Variants in STK11 observed in about 807,000 individuals in gnomAD.
STK11 encodes the protein serine/threonine kinase 11.
Under a neutral mutation model 47.3 loss-of-function variants are expected in STK11, and 8 were observed. The ratio of observed to expected loss-of-function variants is 0.17; its 90% CI spans 0.10 to 0.31. STK11 has a LOEUF of 0.31. Ranked by LOEUF, STK11 falls within the 10% of genes least tolerant of loss-of-function variation. The probability of loss-of-function intolerance (pLI) is 1.00; values close to 1 mark genes in which losing one functional copy is unlikely to be tolerated. For synonymous variants in STK11, 330 were observed against 255.8 expected (o/e 1.29, Z -2.77); for missense variants, 475 against 605.0 (o/e 0.79, Z 2.25).
chr19:1,207,326 T>C (rs2080675050), intron 1 of STK11, 123 bp downstream of exon 1: 1 of 1,333,112 alleles, frequency 7.5e-7, no homozygotes, highest in Admixed American at 2.4e-5. Flanking sequence ...GCTGGACCCG[T>C]CTGGCGCCTG....
At position 1,227,655 on chromosome 19, in the gene STK11, C is replaced by T; in HGVS notation, c.*79C>T. On this transcript the variant is annotated 3_prime_UTR_variant, in exon 10 of 10. Coordinates refer to ENST00000326873, the MANE Select transcript of STK11 (RefSeq NM_000455.5). ...CCCTCAGTCTTCCTGCCGGTTCCGC[C>T]CGCCCTCCCGGAGAGGTGGCCGCCA... 2.8e-6 allele frequency: 3 copies of T among 1,068,140 alleles called. No homozygotes were observed. Among genetic ancestry groups the T allele is most frequent in the Non-Finnish European group, 3.4e-6 (3 of 881,064 alleles). The allele number at this position is 1,068,140 out of a possible 1,614,324, so 66.2% of individuals were successfully genotyped here. A position where few individuals can be genotyped will look rare whatever the true frequency, so the allele number is the denominator to read the frequency against.
chr19:1,223,237 G>T, intron 8 of STK11, 65 bp downstream of exon 8: 1 of 1,536,534 alleles, frequency 6.5e-7, no homozygotes, highest in Non-Finnish European at 8.8e-7. Flanking sequence ...CGGGAGCAGG[G>T]TGCCTGCCTG....
At chr19:1,221,855 C>T in intron 6 of STK11, 94 bp from the exon 7 acceptor site, 1 of 1,452,678 alleles carries the variant, frequency 6.9e-7, no homozygotes, top group Non-Finnish European at 9.4e-7. Context: ...AGGTATCACC[C>T]AGGGCCTGAC....
intron 1 of STK11, among the ~76,000 whole-genome samples, chr19:1,215,172 C>A (rs942069850): frequency 1.3e-5 from 2 of 152,148 alleles, no homozygotes; most frequent in African/African-American, 4.8e-5. Context: ...GGGCCTTTGC[C>A]GAGCCCAGCC....
intron 8 of STK11, chr19:1,223,891 C>CT (rs1477150152): frequency 9.8e-7 from 1 of 1,016,892 alleles, no homozygotes; most frequent in African/African-American, 1.7e-5. Context: ...AGGGTGGATG[C>CT]TTGCTGCGCT....
At chr19:1,226,181 G>T in intron 8 of STK11, 1 of 1,315,322 alleles carries the variant, frequency 7.6e-7, no homozygotes, top group Non-Finnish European at 9.7e-7. Flanking sequence ...CAGTACCTGG[G>T]TGGGGTCCCA....
intron 8 of STK11, chr19:1,226,253 C>T (rs1474844160): frequency 9.2e-6 from 13 of 1,418,882 alleles, no homozygotes; most frequent in South Asian, 1.6e-5. Context: ...AGGCCATCTG[C>T]GGGAGGCTCA....
chr19:1,215,062 G>C (rs952707240), intron 1 of STK11, among the ~76,000 whole-genome samples: 10 of 152,206 alleles, frequency 6.6e-5, no homozygotes, highest in Non-Finnish European at 1.5e-4. Context: ...GGGGCACACA[G>C]AGCCCTGGGG....
chr19:1,206,591 G>A lies in STK11; in HGVS notation c.-323G>A. 4 of 436,830 alleles carry A rather than the reference G, an allele frequency of 9.2e-6. No individual in the cohort carries two copies. Among genetic ancestry groups the A allele is most frequent in the Non-Finnish European group, 1.6e-5 (4 of 244,024 alleles). 27.1% of individuals were successfully genotyped at this position (436,830 alleles called of 1,614,324 possible). The stretch of plus-strand genomic sequence containing the variant: ...GGCCGGCCTCCCCAGGGTCCCCGAG[G>A]ACGAAGTTGACCCTGACCGGGCCGT... On this transcript the variant is annotated 5_prime_UTR_variant, in exon 1 of 10. Coordinates refer to ENST00000326873, the MANE Select transcript of STK11 (RefSeq NM_000455.5).
chr19:1,223,813 T>C lies in STK11; in HGVS notation c.1108+641T>C, dbSNP rs528563056. On this transcript the variant is annotated intron_variant, in intron 8 of 9. Transcript: ENST00000326873. ...ATTGGCAGCCAGCCCCTCCCCGCCATGCTCCCGGCTTGGCTGTGTTCGGCC... is the reference window on the plus strand; with the variant it reads ...ATTGGCAGCCAGCCCCTCCCCGCCACGCTCCCGGCTTGGCTGTGTTCGGCC... 206 of 1,032,036 alleles carry C rather than the reference T, an allele frequency of 2.0e-4. 1 individual carries two copies. The African/African-American group carries it at 3.4e-3, about 17-fold the overall frequency. The allele number at this position is 1,032,036 out of a possible 1,614,324, so 63.9% of individuals were successfully genotyped here.
At chr19:1,226,744 A>G (rs1311460471) in intron 9 of STK11, 81 bp downstream of exon 9, 1 of 1,405,016 alleles carries the variant, frequency 7.1e-7, no homozygotes, top group Non-Finnish European at 9.3e-7. Context: ...AGCCCGCGCT[A>G]GTCAGTCATG....
intron 8 of STK11, chr19:1,226,151 A>G (rs940136342): frequency 8.2e-7 from 1 of 1,221,016 alleles, no homozygotes; most frequent in African/African-American, 1.6e-5. Flanking sequence ...CTTGCCTCCT[A>G]CTCGTGAGGT....
chr19:1,228,063 T>C lies in STK11; in HGVS notation c.*487T>C, dbSNP rs1434721628. The C allele has an allele frequency of 6.6e-6, 7 of 1,065,562 alleles. No individual in the cohort carries two copies. The Admixed American group carries it at 3.7e-4, about 57-fold the overall frequency. 66.0% of individuals were successfully genotyped at this position (1,065,562 alleles called of 1,614,324 possible). Reference sequence around the variant, plus strand: ...TTGGTTCCATTTTCTTTTTTTCTTTTTTTTTTTAAGAAAAAATAAAAGGTG... The same window carrying C: ...TTGGTTCCATTTTCTTTTTTTCTTTCTTTTTTTAAGAAAAAATAAAAGGTG... On this transcript the variant is annotated 3_prime_UTR_variant, in exon 10 of 10. Transcript: ENST00000326873.
At position 1,219,204 on chromosome 19, in the gene STK11, G is replaced by C; in HGVS notation, c.375-120G>C. On this transcript the variant is annotated intron_variant, in intron 2 of 9. Coordinates refer to ENST00000326873, the MANE Select transcript of STK11 (RefSeq NM_000455.5). ...GGTGGCTGAGGGCAGGGTGGGCCCT[G>C]GTCCCGAGGAGGGGCAAGGTGGGTG... 3 of 1,197,768 alleles carry C rather than the reference G, an allele frequency of 2.5e-6. 1 individual carries two copies. The highest frequency in any genetic ancestry group is 1.2e-6 in the Non-Finnish European group (1 of 837,818). 74.2% of individuals were successfully genotyped at this position (1,197,768 alleles called of 1,614,324 possible).
In STK11 at chr19:1,224,055, G is replaced by A. The variant is rs1183873286; in HGVS notation, c.1108+883G>A. On this transcript the variant is annotated intron_variant, in intron 8 of 9. Coordinates refer to ENST00000326873, the MANE Select transcript of STK11 (RefSeq NM_000455.5). ...CGGGCCCGAGGGTCCCAGAATAGTG[G>A]GGGCCCTGCAGAGAGCCCCCCATTA... 1.3e-5 allele frequency: 13 copies of A among 1,001,988 alleles called. No individual in the cohort carries two copies. The Admixed American group carries it at 7.8e-4, about 60-fold the overall frequency. The allele number at this position is 1,001,988 out of a possible 1,614,324, so 62.1% of individuals were successfully genotyped here.
chr19:1,223,536 G>A lies in STK11; in HGVS notation c.1108+364G>A, dbSNP rs571925439. 1.0e-4 allele frequency: 102 copies of A among 1,021,074 alleles called. No individual in the cohort carries two copies. In the African/African-American group the frequency reaches 1.6e-3, roughly 16 times the overall value. The allele number at this position is 1,021,074 out of a possible 1,614,324, so 63.3% of individuals were successfully genotyped here. ...TAGGTGAGAGTCAGGGTGCAGGGTG[G>A]CCCCTCAGACAGCTGGCATGAGAGA... On this transcript the variant is annotated intron_variant, in intron 8 of 9. Coordinates refer to ENST00000326873, the MANE Select transcript of STK11 (RefSeq NM_000455.5).
At chr19:1,224,171 AG>A in intron 8 of STK11, 2 of 985,494 alleles carry the variant, frequency 2.0e-6, no homozygotes, top group Non-Finnish European at 2.4e-6. Flanking sequence ...GGCCCCCGAG[AG>A]CACAGTGTAT....
At chr19:1,211,907 G>T (rs1386660517) in intron 1 of STK11, among the ~76,000 whole-genome samples, 1 of 152,202 alleles carries the variant, frequency 6.6e-6, no homozygotes, top group Non-Finnish European at 1.5e-5. Flanking sequence ...TACATCCCAG[G>T]CGGCCTTTAT....
At chr19:1,212,652 G>A (rs1260246238) in intron 1 of STK11, among the ~76,000 whole-genome samples, 2 of 152,046 alleles carry the variant, frequency 1.3e-5, no homozygotes, top group East Asian at 1.9e-4. Context: ...TGCAAGCTCC[G>A]CTTCAGCCTC....
Sources: gnomAD v4.1 joint callset for allele counts (sites outside exome capture counted in the v4.1 genomes callset) on GRCh38, gnomAD v4.1.1 for gene constraint, MANE v1.5 for transcripts, NCBI Gene and HGNC (gene_info 2026-07-23, HGNC 2026-07-21) for gene names.